The following RBFOX2 variants were observed in gnomAD, a reference collection of about 807,000 sequenced individuals.
The protein encoded by RBFOX2 is RNA binding fox-1 homolog 2.
In RBFOX2, 10 loss-of-function variants were observed where a neutral mutation model predicts 49.1. The ratio of observed to expected loss-of-function variants is 0.20; its 90% CI spans 0.13 to 0.35. The LOEUF (loss-of-function observed/expected upper bound fraction) is 0.35, where lower values mean the gene tolerates loss of function less well. Ranked by LOEUF, RBFOX2 falls within the 10% of genes least tolerant of loss-of-function variation. The probability of loss-of-function intolerance (pLI) is 1.00; values close to 1 mark genes in which losing one functional copy is unlikely to be tolerated. For missense variants in RBFOX2, 323 were observed against 486.9 expected (o/e 0.66, Z 3.17); for synonymous variants, 183 against 187.4 (o/e 0.98, Z 0.19).
exon 5 of RBFOX2, chr22:35,768,280 C>T (rs779812829): frequency 8.7e-6 from 14 of 1,614,138 alleles, no homozygotes; most frequent in Middle Eastern, 1.6e-4. Context: ...CCCTCTACCA[C>T]GGTGCCGTGT....
intron 1 of RBFOX2, among the ~76,000 whole-genome samples, chr22:35,954,565 T>C (rs963971888): frequency 6.6e-6 from 1 of 152,206 alleles, no homozygotes; most frequent in South Asian, 2.1e-4. Flanking sequence ...CAGGGTTAAC[T>C]ACCTAAAACA....
At chr22:35,947,831 TTTA>T (rs1187048452) in intron 1 of RBFOX2, among the ~76,000 whole-genome samples, 1 of 151,976 alleles carries the variant, frequency 6.6e-6, no homozygotes, top group Non-Finnish European at 1.5e-5. Flanking sequence ...AATTTTAAAG[TTTA>T]TAAAGTAAAA....
intron 1 of RBFOX2, among the ~76,000 whole-genome samples, chr22:35,821,423 G>A (rs1193149421): frequency 6.6e-6 from 1 of 151,600 alleles, no homozygotes; most frequent in African/African-American, 2.4e-5. Context: ...CCAACATGGC[G>A]AAACCCCGTC....
At chr22:35,817,794 CAATT>C (rs975814128) in intron 1 of RBFOX2, among the ~76,000 whole-genome samples, 20 of 152,114 alleles carry the variant, frequency 1.3e-4, no homozygotes, top group African/African-American at 4.6e-4. Flanking sequence ...TATAAACAGA[CAATT>C]AATAAAATAA....
At chr22:35,768,489 T>A (rs528954421) in intron 4 of RBFOX2, 140 bp from the exon 6 acceptor site, 1 of 667,004 alleles carries the variant, frequency 1.5e-6, no homozygotes, top group African/African-American at 1.8e-5. Flanking sequence ...AGTCACATTT[T>A]TGGTCCATGC....
chr22:35,871,956 GTA>G (rs1171971685), intron 1 of RBFOX2, among the ~76,000 whole-genome samples: 1 of 152,204 alleles, frequency 6.6e-6, no homozygotes. Flanking sequence ...ATTCAAATTT[GTA>G]AAACCTCTGT....
intron 1 of RBFOX2, among the ~76,000 whole-genome samples, chr22:35,930,320 A>G (rs1296159592): frequency 2.0e-5 from 3 of 151,860 alleles, no homozygotes; most frequent in African/African-American, 7.3e-5. Context: ...TGCGCTGGCC[A>G]TAGAGCTTTT....
chr22:35,973,268 T>C (rs5756021), intron 1 of RBFOX2, among the ~76,000 whole-genome samples: 1 of 152,236 alleles, frequency 6.6e-6, no homozygotes, highest in Non-Finnish European at 1.5e-5. Flanking sequence ...CGTTAAACTG[T>C]TCTAATAAAT....
chr22:35,901,943 G>A (rs2048628331), intron 1 of RBFOX2, among the ~76,000 whole-genome samples: 2 of 152,062 alleles, frequency 1.3e-5, no homozygotes, highest in Admixed American at 1.3e-4. Flanking sequence ...TTAGCCAGGT[G>A]TGGTGGTGCA....
At chr22:35,935,503 T>C (rs1029060196) in intron 1 of RBFOX2, among the ~76,000 whole-genome samples, 3 of 152,186 alleles carry the variant, frequency 2.0e-5, no homozygotes, top group Admixed American at 6.5e-5. Flanking sequence ...TTAACTCCAA[T>C]GTGCTATTGG....
chr22:35,938,393 C>G (rs2053334436), intron 1 of RBFOX2, among the ~76,000 whole-genome samples: 1 of 152,148 alleles, frequency 6.6e-6, no homozygotes, highest in Admixed American at 6.5e-5. Flanking sequence ...CTTTCTCAGG[C>G]AAGCTTTCCC....
chr22:35,930,060 C>T (rs1027000915), intron 1 of RBFOX2, among the ~76,000 whole-genome samples: 1 of 135,320 alleles, frequency 7.4e-6, no homozygotes, highest in African/African-American at 2.8e-5. Flanking sequence ...CTCACTCTGT[C>T]GCCCAGGCTC....
intron 1 of RBFOX2, among the ~76,000 whole-genome samples, chr22:35,858,976 T>C (rs2042832364): frequency 6.6e-6 from 1 of 152,202 alleles, no homozygotes; most frequent in Non-Finnish European, 1.5e-5. Flanking sequence ...CCTAATTTGT[T>C]AGTCAGTCAA....
intron 1 of RBFOX2, among the ~76,000 whole-genome samples, chr22:35,890,003 G>A (rs1025294767): frequency 2.0e-5 from 3 of 152,094 alleles, no homozygotes; most frequent in Admixed American, 1.3e-4. Context: ...GCACAACCAA[G>A]ACCCGAAACT....
chr22:35,837,089 CT>C (rs1215855685), intron 1 of RBFOX2, among the ~76,000 whole-genome samples: 1 of 152,246 alleles, frequency 6.6e-6, no homozygotes, highest in East Asian at 1.9e-4. Context: ...TTGCCATTTG[CT>C]TTTTAGCAGA....
chr22:35,897,596 G>C, intron 1 of RBFOX2: 1 of 1,084,748 alleles, frequency 9.2e-7, no homozygotes, highest in Non-Finnish European at 1.4e-6. Context: ...AGGAGATATC[G>C]ATTTGGCCCA....
chr22:36,004,958 T>G (rs2058566189), intron 1 of RBFOX2, among the ~76,000 whole-genome samples: 1 of 152,198 alleles, frequency 6.6e-6, no homozygotes, highest in South Asian at 2.1e-4. Flanking sequence ...CACCACCACC[T>G]CTGCCTGCAG....
At chr22:35,922,722 G>C (rs902633518) in intron 1 of RBFOX2, among the ~76,000 whole-genome samples, 1 of 152,136 alleles carries the variant, frequency 6.6e-6, no homozygotes, top group Non-Finnish European at 1.5e-5. Context: ...GACATTTCAT[G>C]ACATATAAAA....
At chr22:35,820,742 A>G (rs1263703324) in intron 1 of RBFOX2, among the ~76,000 whole-genome samples, 2 of 152,232 alleles carry the variant, frequency 1.3e-5, no homozygotes, top group Non-Finnish European at 2.9e-5. Context: ...AGAGTATATA[A>G]GCAAACACAA....
Sources: gnomAD v4.1 joint callset for allele counts (sites outside exome capture counted in the v4.1 genomes callset) on GRCh38, gnomAD v4.1.1 for gene constraint, MANE v1.5 for transcripts, NCBI Gene and HGNC (gene_info 2026-07-23, HGNC 2026-07-21) for gene names.